TRPC4AP: variants seen among roughly 807,000 people sequenced by gnomAD.
The protein encoded by TRPC4AP is short transient receptor potential channel 4-associated protein.
TRPC4AP carries 45 observed loss-of-function variants against 99.0 expected under a neutral mutation model. The ratio of observed to expected loss-of-function variants is 0.45; its 90% CI spans 0.36 to 0.58. The LOEUF (loss-of-function observed/expected upper bound fraction) is 0.58, where lower values mean the gene tolerates loss of function less well. TRPC4AP is among the 20% of genes least tolerant of loss of function. The pLI is 0.00. For synonymous variants in TRPC4AP, 408 were observed against 385.8 expected (o/e 1.06, Z -0.67); for missense variants, 879 against 985.3 (o/e 0.89, Z 1.44).
intron 3 of TRPC4AP, among the ~76,000 whole-genome samples, chr20:35,061,882 G>A (rs2084018368): frequency 6.6e-6 from 1 of 152,076 alleles, no homozygotes; most frequent in Admixed American, 6.6e-5. Flanking sequence ...GTGTTTCAAA[G>A]GACACCATCA....
intron 3 of TRPC4AP, among the ~76,000 whole-genome samples, chr20:35,064,635 G>A (rs1185925614): frequency 6.6e-6 from 1 of 152,218 alleles, no homozygotes; most frequent in East Asian, 1.9e-4. Flanking sequence ...TGCACTTGCA[G>A]GAGGGAAAAG....
chr20:35,046,549 T>C (rs1451125782), intron 6 of TRPC4AP, among the ~76,000 whole-genome samples: 2 of 152,178 alleles, frequency 1.3e-5, no homozygotes, highest in Non-Finnish European at 2.9e-5. Context: ...TGAGACTCAA[T>C]GCACAGGACC....
Position 35,028,579 on chromosome 20 carries a change from T to G in TRPC4AP, c.1051+6544A>C, listed in dbSNP as rs140982312. The stretch of plus-strand genomic sequence containing the variant: ...CTTTTAAATTTGCTGAACTTTTTTT[T>G]AACAGCCTAGCATATGGTCTGTCCT... On this transcript the variant is annotated intron_variant, in intron 8 of 18. Coordinates refer to ENST00000252015, the MANE Select transcript of TRPC4AP (RefSeq NM_015638.3). Among the ~76,000 whole-genome samples the G allele has an allele frequency of 1.8e-4, 28 of 152,354 alleles. 1 individual carries two copies. In the East Asian group the frequency reaches 5.4e-3, roughly 29 times the overall value.
intron 3 of TRPC4AP, among the ~76,000 whole-genome samples, chr20:35,062,340 G>A (rs1014474467): frequency 3.9e-5 from 6 of 152,056 alleles, no homozygotes; most frequent in Non-Finnish European, 8.8e-5. Flanking sequence ...ATGAAAACAC[G>A]TCCACCTAAA....
chr20:35,019,749 G>A (rs941156297), intron 9 of TRPC4AP, among the ~76,000 whole-genome samples: 9 of 152,246 alleles, frequency 5.9e-5, no homozygotes, highest in South Asian at 4.1e-4. Flanking sequence ...AACATGTTCC[G>A]TATTGAAGGA....
chr20:35,003,737 T>C, intron 17 of TRPC4AP, 121 bp from the exon 18 acceptor site: 1 of 1,084,212 alleles, frequency 9.2e-7, no homozygotes, highest in Non-Finnish European at 1.3e-6. Context: ...CCCACAGAGC[T>C]CTCCCTGCAC....
At chr20:35,041,508 G>A (rs981368981) in intron 7 of TRPC4AP, among the ~76,000 whole-genome samples, 7 of 152,074 alleles carry the variant, frequency 4.6e-5, no homozygotes, top group Admixed American at 3.9e-4. Flanking sequence ...AGATATGAAA[G>A]TGAATCTAGA....
At position 35,010,222 on chromosome 20, in the gene TRPC4AP, G is replaced by T; in HGVS notation, c.1476C>A (p.Asn492Lys). 6.2e-7 allele frequency: 1 copy of T among 1,614,222 alleles called. No individual in the cohort carries two copies. The highest frequency in any genetic ancestry group is 8.5e-7 in the Non-Finnish European group (1 of 1,180,034). Residue 492 changes from asparagine (N) to lysine (K), a missense_variant, in exon 12 of 19, where the codon AAC (asparagine) becomes AAA (lysine). Asn to Lys is a moderately conservative substitution (Grantham distance 94). Coordinates refer to ENST00000252015, the MANE Select transcript of TRPC4AP (RefSeq NM_015638.3). ...NELSAISLKA[N>K]IPEVEAVLNT... The stretch of plus-strand genomic sequence containing the variant: ...TGAGGACAGCTTCCACCTCAGGGAT[G>T]TTGGCCTTGAGAGAGATGGCACTGA...
In TRPC4AP at chr20:35,041,141, A is replaced by T. The variant is rs550621807; in HGVS notation, c.865+3364T>A. On this transcript the variant is annotated intron_variant, in intron 7 of 18. Transcript: ENST00000252015. Reference sequence around the variant, plus strand: ...AGCCTCCAGAACTGTGAGAAAAATAAATGTCTGTTAGTTAAGCCACCTAGT... The same window carrying T: ...AGCCTCCAGAACTGTGAGAAAAATATATGTCTGTTAGTTAAGCCACCTAGT... Among the ~76,000 whole-genome samples the T allele has an allele frequency of 7.0e-4, 106 of 152,340 alleles. 1 individual carries two copies. Among genetic ancestry groups the T allele is most frequent in the African/African-American group, 2.4e-3 (101 of 41,580 alleles).
chr20:35,003,574 G>T lies in TRPC4AP; in HGVS notation c.2092C>A (p.Leu698Met), dbSNP rs752495149. 3 of 1,613,948 alleles carry T rather than the reference G, an allele frequency of 1.9e-6. No homozygotes were observed. The highest frequency in any genetic ancestry group is 2.5e-6 in the Non-Finnish European group (3 of 1,179,998). ...CLNTSLVILM[L>M]ARRKERLPLY... ...GGCAGCCGCTCTTTCCGTCGGGCCA[G>T]CATCAGGATCACCAGGCTGGTGTTG... The change falls in exon 18 of 19, where the codon CTG (leucine) becomes ATG (methionine). Residue 698 changes from leucine (L) to methionine (M), a missense_variant. Coordinates refer to ENST00000252015, the MANE Select transcript of TRPC4AP (RefSeq NM_015638.3).
intron 2 of TRPC4AP, among the ~76,000 whole-genome samples, chr20:35,075,011 T>A (rs1306899675): frequency 6.6e-6 from 1 of 152,228 alleles, no homozygotes; most frequent in Admixed American, 6.5e-5. Flanking sequence ...TTTACCATTA[T>A]GTAATGGCCT....
chr20:35,014,673 AT>A lies in TRPC4AP; in HGVS notation c.1350+1334del, dbSNP rs1039952688. On this transcript the variant is annotated intron_variant, in intron 10 of 18. Coordinates refer to ENST00000252015, the MANE Select transcript of TRPC4AP (RefSeq NM_015638.3). The stretch of plus-strand genomic sequence containing the variant: ...TATTTGCTTGAAATTAAAAACTCAA[AT>A]GATAAAGCAGAAGACAGGTCGCTGA... 9.8e-5 allele frequency among the ~76,000 whole-genome samples: 15 copies of A among 152,302 alleles called. No homozygotes were observed. In the South Asian group the frequency reaches 1.4e-3, roughly 15 times the overall value.
At chr20:35,029,447 A>C (rs2378332) in intron 8 of TRPC4AP, among the ~76,000 whole-genome samples, 1 of 151,780 alleles carries the variant, frequency 6.6e-6, no homozygotes, top group Non-Finnish European at 1.5e-5. Context: ...ATCTATTCAC[A>C]TTTAATGTTA....
At chr20:35,058,685 T>C (rs1017932040) in intron 3 of TRPC4AP, among the ~76,000 whole-genome samples, 12 of 104,114 alleles carry the variant, frequency 1.2e-4, no homozygotes, top group Non-Finnish European at 2.0e-4. Context: ...TAAAAGAAAA[T>C]TCTTTTTTTT....
rs1429958229 is a variant in TRPC4AP, at chr20:35,010,113, T to A, written c.1511+74A>T. Reference sequence around the variant, plus strand: ...GAGGACACGCGTGCATACCTGGATGTGCTCACCGGTGAGCCCCCGGGGAAC... The same window carrying A: ...GAGGACACGCGTGCATACCTGGATGAGCTCACCGGTGAGCCCCCGGGGAAC... On this transcript the variant is annotated intron_variant, in intron 12 of 18. Coordinates refer to ENST00000252015, the MANE Select transcript of TRPC4AP (RefSeq NM_015638.3). 16 of 1,236,412 alleles carry A rather than the reference T, an allele frequency of 1.3e-5. No homozygotes were observed. The South Asian group carries it at 1.5e-4, about 11-fold the overall frequency. 76.6% of individuals were successfully genotyped at this position (1,236,412 alleles called of 1,614,324 possible).
intron 5 of TRPC4AP, among the ~76,000 whole-genome samples, chr20:35,052,066 T>G (rs2083713210): frequency 6.6e-6 from 1 of 151,838 alleles, no homozygotes; most frequent in African/African-American, 2.4e-5. Context: ...GAGAGTTTTT[T>G]CCATGTAACA....
intron 1 of TRPC4AP, among the ~76,000 whole-genome samples, chr20:35,086,584 T>G (rs1384774392): frequency 6.7e-6 from 1 of 148,226 alleles, no homozygotes; most frequent in Admixed American, 6.8e-5. Flanking sequence ...TGTATATATA[T>G]ATGAATAAGA....
intron 8 of TRPC4AP, chr20:35,030,487 T>C (rs1024683528): frequency 2.6e-5 from 4 of 152,222 alleles, no homozygotes; most frequent in Non-Finnish European, 5.9e-5. Flanking sequence ...ATTGTGCATA[T>C]TGTATCTATG....
intron 2 of TRPC4AP, among the ~76,000 whole-genome samples, chr20:35,073,919 G>A (rs1242138126): frequency 1.3e-5 from 2 of 152,098 alleles, no homozygotes; most frequent in East Asian, 1.9e-4. Context: ...TTGGTTGGTA[G>A]GCTATTAATT....
Sources: allele counts gnomAD v4.1 joint callset (sites outside exome capture counted in the v4.1 genomes callset), GRCh38; gene constraint gnomAD v4.1.1; transcripts MANE v1.5; gene names NCBI Gene and HGNC (gene_info 2026-07-23, HGNC 2026-07-21).